The following TAF1B variants were observed in gnomAD, a reference collection of about 807,000 sequenced individuals.
TAF1B encodes TATA-box binding protein associated factor, RNA polymerase I subunit B.
TAF1B carries 61 observed loss-of-function variants against 83.9 expected under a neutral mutation model. The observed-to-expected ratio is 0.73, with a 90% CI of 0.59 to 0.90. TAF1B has a LOEUF of 0.90. TAF1B is among the 40% of genes least tolerant of loss of function. The pLI, the probability that TAF1B is intolerant of heterozygous loss-of-function variation, is 0.00. For synonymous variants in TAF1B, 221 were observed against 224.6 expected (o/e 0.98, Z 0.14); for missense variants, 625 against 677.0 (o/e 0.92, Z 0.85).
intron 6 of TAF1B, 85 bp downstream of exon 6, chr2:9,868,514 G>A: frequency 6.5e-7 from 1 of 1,531,014 alleles, no homozygotes; most frequent in Non-Finnish European, 8.9e-7. Flanking sequence ...GATAATCCAA[G>A]GAAAGGGAAC....
At chr2:9,858,731 G>A (rs1300058229) in intron 5 of TAF1B, among the ~76,000 whole-genome samples, 2 of 152,242 alleles carry the variant, frequency 1.3e-5, no homozygotes, top group Admixed American at 6.5e-5. Flanking sequence ...CTTGGGGCTT[G>A]CACCCTCTGA....
At chr2:9,920,202 A>G (rs1665828076) in intron 14 of TAF1B, among the ~76,000 whole-genome samples, 1 of 152,208 alleles carries the variant, frequency 6.6e-6, no homozygotes, top group African/African-American at 2.4e-5. Flanking sequence ...TATTCTCTTA[A>G]GTGACCACAG....
At position 9,888,131 on chromosome 2, in the gene TAF1B, T is replaced by C. The variant is rs1664736677; in HGVS notation, c.807+5326T>C. On this transcript the variant is annotated intron_variant, in intron 8 of 14. Transcript: ENST00000263663. ...ACTGTTGATTTATTAACTATACCTC[T>C]CTGTGTTTTTTTGTGGTTGCTCTAG... Among the ~76,000 whole-genome samples the C allele has an allele frequency of 2.0e-5, 3 of 152,226 alleles. No individual in the cohort carries two copies. In the South Asian group the frequency reaches 6.2e-4, roughly 32 times the overall value.
At chr2:9,890,660 A>G (rs1302683481) in intron 8 of TAF1B, among the ~76,000 whole-genome samples, 1 of 152,204 alleles carries the variant, frequency 6.6e-6, no homozygotes, top group Non-Finnish European at 1.5e-5. Flanking sequence ...TGTATGGGGT[A>G]CAGTGATATT....
intron 14 of TAF1B, among the ~76,000 whole-genome samples, chr2:9,924,979 C>A (rs780241871): frequency 1.3e-5 from 2 of 152,142 alleles, no homozygotes; most frequent in African/African-American, 2.4e-5. Context: ...GAAGACCTGA[C>A]TTCTTGTAGG....
intron 8 of TAF1B, among the ~76,000 whole-genome samples, chr2:9,886,562 A>C (rs1664678688): frequency 6.6e-6 from 1 of 152,198 alleles, no homozygotes. Flanking sequence ...AAATGTACTC[A>C]CATAGACACT....
intron 14 of TAF1B, among the ~76,000 whole-genome samples, chr2:9,925,586 TTTG>T (rs1013938341): frequency 9.7e-6 from 1 of 102,750 alleles, no homozygotes; most frequent in Non-Finnish European, 2.8e-5. Flanking sequence ...TTTTGGGGTG[TTTG>T]TTTTTTTTTT....
rs746872194 is a variant in TAF1B, at chr2:9,851,646, C to A, written c.303+8C>A. On this transcript the variant is annotated splice_region_variant and intron_variant, in intron 4 of 14. Transcript: ENST00000263663. ...GTAGGCCCAGAGTTAAAGGTAAGTA[C>A]ATTTGTGACTAGATGTTAGCTTTAC... The A allele has an allele frequency of 1.9e-6, 3 of 1,594,962 alleles. No homozygotes were observed. The highest frequency in any genetic ancestry group is 3.5e-5 in the Admixed American group (2 of 56,630).
At chr2:9,862,737 G>T (rs1433669952) in intron 5 of TAF1B, among the ~76,000 whole-genome samples, 4 of 152,232 alleles carry the variant, frequency 2.6e-5, no homozygotes, top group Non-Finnish European at 4.4e-5. Context: ...CAGACTAATA[G>T]CTGATCTCTC....
intron 5 of TAF1B, among the ~76,000 whole-genome samples, chr2:9,855,123 TA>T (rs1663519842): frequency 6.6e-6 from 1 of 152,118 alleles, no homozygotes; most frequent in Non-Finnish European, 1.5e-5. Flanking sequence ...GCCTCCTGAG[TA>T]GCTGGGATTA....
At chr2:9,859,711 T>C (rs192358913) in intron 5 of TAF1B, among the ~76,000 whole-genome samples, 2 of 152,274 alleles carry the variant, frequency 1.3e-5, no homozygotes, top group Admixed American at 1.3e-4. Context: ...ATCACAATCA[T>C]TCAACAAGTT....
chr2:9,895,269 G>A lies in TAF1B; in HGVS notation c.808-9590G>A, dbSNP rs187485586. Among the ~76,000 whole-genome samples the A allele has an allele frequency of 1.2e-3, 182 of 152,328 alleles. 1 individual carries two copies. Among genetic ancestry groups the A allele is most frequent in the Non-Finnish European group, 2.3e-3 (159 of 68,016 alleles). On this transcript the variant is annotated intron_variant, in intron 8 of 14. Coordinates refer to ENST00000263663, the MANE Select transcript of TAF1B (RefSeq NM_005680.3). ...AATCCCAGCACTTTGGGAAGCTGAG[G>A]CGGGAGTATCCCTTAAGCCCCAGAG...
At chr2:9,911,678 A>C in intron 11 of TAF1B, 121 bp downstream of exon 11, 1 of 554,356 alleles carries the variant, frequency 1.8e-6, no homozygotes, top group Non-Finnish European at 3.0e-6. Context: ...ATGTATACAA[A>C]TTGTATATTG....
Position 9,862,904 on chromosome 2 carries a change from T to C in TAF1B, c.400-5372T>C, listed in dbSNP as rs1409805182. Among the ~76,000 whole-genome samples the C allele has an allele frequency of 1.4e-4, 22 of 152,286 alleles. 1 individual carries two copies. The East Asian group carries it at 4.0e-3, about 28-fold the overall frequency. ...CAGACAAGCAAATGCTGAGAGATTT[T>C]GTCACCACCAGGCCTGCCCTAAAAG... On this transcript the variant is annotated intron_variant, in intron 5 of 14. Coordinates refer to ENST00000263663, the MANE Select transcript of TAF1B (RefSeq NM_005680.3).
At chr2:9,851,944 T>C (rs115193437) in intron 4 of TAF1B, 19 of 520,728 alleles carry the variant, frequency 3.6e-5, no homozygotes, top group African/African-American at 3.6e-4. Context: ...CTTTTGTGTG[T>C]TAATGTGCTT....
At chr2:9,900,841 A>G (rs1428548848) in intron 8 of TAF1B, among the ~76,000 whole-genome samples, 1 of 152,174 alleles carries the variant, frequency 6.6e-6, no homozygotes, top group African/African-American at 2.4e-5. Context: ...ATGTTGGGAT[A>G]TAGAAGTTTG....
intron 13 of TAF1B, 54 bp from the exon 14 acceptor site, chr2:9,919,544 A>G (rs1243344222): frequency 2.7e-6 from 4 of 1,490,362 alleles, no homozygotes; most frequent in Non-Finnish European, 3.7e-6. Flanking sequence ...TCCAGGCTTT[A>G]TTTGTGATTT....
At chr2:9,869,736 C>T (rs923312613) in intron 6 of TAF1B, among the ~76,000 whole-genome samples, 2 of 151,822 alleles carry the variant, frequency 1.3e-5, no homozygotes, top group African/African-American at 2.4e-5. Flanking sequence ...ATTAGCTAGG[C>T]GTGGTGGTAT....
rs140147510 is a variant in TAF1B, at chr2:9,855,915, T to C, written c.399+1494T>C. Among the ~76,000 whole-genome samples the C allele has an allele frequency of 4.3e-3, 660 of 152,346 alleles. 6 individuals are homozygous for C. Among genetic ancestry groups the C allele is most frequent in the African/African-American group, 0.015 (625 of 41,578 alleles). On this transcript the variant is annotated intron_variant, in intron 5 of 14. Coordinates refer to ENST00000263663, the MANE Select transcript of TAF1B (RefSeq NM_005680.3). ...GGTGCTTGAAGTATAGTTTTGACTTTGTGCATATTGCTTGCACCGTAGTAA... is the reference window on the plus strand; with the variant it reads ...GGTGCTTGAAGTATAGTTTTGACTTCGTGCATATTGCTTGCACCGTAGTAA...
Sources: allele counts gnomAD v4.1 joint callset (sites outside exome capture counted in the v4.1 genomes callset), GRCh38; gene constraint gnomAD v4.1.1; transcripts MANE v1.5; gene names NCBI Gene and HGNC (gene_info 2026-07-23, HGNC 2026-07-21).